The following HIPK3 variants were observed in gnomAD, a reference collection of about 807,000 sequenced individuals.
The protein encoded by HIPK3 is homeodomain interacting protein kinase 3, also known as homeodomain-interacting protein kinase 3.
Under a neutral mutation model 124.2 loss-of-function variants are expected in HIPK3, and 47 were observed. The ratio of observed to expected loss-of-function variants is 0.38; its 90% CI spans 0.30 to 0.48. The LOEUF is 0.48. Ranked by LOEUF, HIPK3 falls within the 20% of genes least tolerant of loss-of-function variation. HIPK3 has a pLI of 0.98. For synonymous variants in HIPK3, 482 were observed against 515.2 expected, an observed-to-expected ratio of 0.94 and a Z score of 0.87; for missense variants, 1,286 against 1,454.3, an observed-to-expected ratio of 0.88 and a Z score of 1.88.
intron 2 of HIPK3, among the ~76,000 whole-genome samples, chr11:33,307,755 G>GGT (rs150805766): frequency 0.085 from 12,429 of 145,464 alleles, 541 homozygotes; most frequent in South Asian, 0.12. Flanking sequence ...TATTCTTGTT[G>GGT]GTGTGTGTGT....
chr11:33,297,091 ATT>A (rs34751907), intron 2 of HIPK3, among the ~76,000 whole-genome samples: 6 of 136,472 alleles, frequency 4.4e-5, no homozygotes, highest in African/African-American at 5.5e-5. Flanking sequence ...TATGGAAAAG[ATT>A]TTTTTTTTTT....
Position 33,286,883 on chromosome 11 carries a change from A to G in HIPK3, c.469A>G (p.Asn157Asp). The change falls in exon 2 of 17, where the codon AAC (asparagine) becomes GAC (aspartate). Residue 157 changes from asparagine to aspartate, a missense_variant. Coordinates refer to ENST00000303296, the MANE Select transcript of HIPK3 (RefSeq NM_005734.5). ...LSILPAMLQT[N>D]MGNPVTVVTA... ...CATACTTCCTGCAATGTTGCAAACC[A>G]ACATGGGAAATCCAGTGACAGTTGT... is the stretch of plus-strand genomic sequence containing the variant. 1 of 1,614,234 alleles carries G rather than the reference A, an allele frequency of 6.2e-7. No individual in the cohort carries two copies. Among genetic ancestry groups the G allele is most frequent in the Non-Finnish European group, 8.5e-7 (1 of 1,180,034 alleles).
chr11:33,349,083 T>G, intron 13 of HIPK3, 64 bp from the exon 14 acceptor site: 2 of 1,430,226 alleles, frequency 1.4e-6, no homozygotes, highest in South Asian at 2.5e-5. Flanking sequence ...GAATATAAAT[T>G]TTGGCTATTT....
At chr11:33,280,941 G>T (rs1851395568) in intron 1 of HIPK3, among the ~76,000 whole-genome samples, 1 of 151,946 alleles carries the variant, frequency 6.6e-6, no homozygotes, top group Admixed American at 6.6e-5. Flanking sequence ...TCAGATTTTA[G>T]TGTGACTCTA....
intron 2 of HIPK3, among the ~76,000 whole-genome samples, chr11:33,303,438 T>C (rs545338809): frequency 6.6e-6 from 1 of 152,332 alleles, no homozygotes; most frequent in Admixed American, 6.5e-5. Flanking sequence ...TAGTTACTCG[T>C]AGGTTAAAAG....
At chr11:33,321,022 C>T (rs11602207) in intron 2 of HIPK3, among the ~76,000 whole-genome samples, 51,845 of 151,876 alleles carry the variant, frequency 0.34, 9,569 homozygotes, top group Middle Eastern at 0.47. Flanking sequence ...GATAGATTCC[C>T]AAAGACTGAG....
intron 8 of HIPK3, among the ~76,000 whole-genome samples, chr11:33,346,590 A>G (rs186695099): frequency 6.6e-6 from 1 of 152,226 alleles, no homozygotes; most frequent in Non-Finnish European, 1.5e-5. Context: ...GTTTGTATGA[A>G]AAGAAGAACC....
intron 2 of HIPK3, among the ~76,000 whole-genome samples, chr11:33,293,757 T>C (rs766276170): frequency 4.6e-5 from 7 of 152,180 alleles, no homozygotes; most frequent in East Asian, 1.9e-4. Flanking sequence ...CAAAATACTT[T>C]AGTGCCTCTA....
Position 33,352,126 on chromosome 11 carries a change from A to T in HIPK3, c.3044-12A>T. ...AAAAGCATAAACTCTTTAATATTTT[A>T]TTCGTCGCCAGATTCTATATGCCAG... On this transcript the variant is annotated splice_polypyrimidine_tract_variant and intron_variant, in intron 15 of 16. Coordinates refer to ENST00000303296, the MANE Select transcript of HIPK3 (RefSeq NM_005734.5). The T allele has an allele frequency of 1.2e-6, 2 of 1,610,282 alleles. No individual in the cohort carries two copies. The highest frequency in any genetic ancestry group is 1.7e-6 in the Non-Finnish European group (2 of 1,177,162).
intron 1 of HIPK3, chr11:33,258,353 C>T (rs1032268657): frequency 6.1e-6 from 6 of 985,608 alleles, no homozygotes; most frequent in African/African-American, 3.5e-5. Context: ...AACAAACAAA[C>T]GCGCAGGCAC....
chr11:33,316,808 C>CAGGA (rs1367661680), intron 2 of HIPK3, among the ~76,000 whole-genome samples: 1 of 152,046 alleles, frequency 6.6e-6, no homozygotes, highest in Non-Finnish European at 1.5e-5. Flanking sequence ...GGGCTATAGA[C>CAGGA]AAGACCCCAT....
At position 33,349,162 on chromosome 11, in the gene HIPK3, A is replaced by G; in HGVS notation, c.2682A>G (p.Leu894=). 3 of 1,613,976 alleles carry G rather than the reference A, an allele frequency of 1.9e-6. No homozygotes were observed. The highest frequency in any genetic ancestry group is 1.7e-6 in the Non-Finnish European group (2 of 1,179,882). Residue 894 remains leucine (L), a synonymous_variant, in exon 14 of 17, where the codon CTA becomes CTG. Transcript: ENST00000303296. ...CTTCCACTAGATGTAAAGGTAGTCTAGATTGTGAAGCTTGCCAGAGCACTT... is the reference window on the plus strand; with the variant it reads ...CTTCCACTAGATGTAAAGGTAGTCTGGATTGTGAAGCTTGCCAGAGCACTT... The part of the protein sequence containing the change: ...RHSLRECKGS[L]DCEACQSTLN...
intron 1 of HIPK3, among the ~76,000 whole-genome samples, chr11:33,268,316 C>T (rs183525353): frequency 1.6e-4 from 25 of 151,910 alleles, no homozygotes; most frequent in African/African-American, 5.6e-4. Context: ...AATTCTGGGC[C>T]GGGTGTAGTG....
chr11:33,271,147 A>T (rs972320691), intron 1 of HIPK3, among the ~76,000 whole-genome samples: 47 of 152,352 alleles, frequency 3.1e-4, no homozygotes, highest in Admixed American at 2.9e-3. Context: ...GGTTCTATGA[A>T]TAAATAGCAT....
intron 2 of HIPK3, among the ~76,000 whole-genome samples, chr11:33,325,998 A>C (rs141488827): frequency 2.6e-5 from 4 of 152,242 alleles, no homozygotes; most frequent in Admixed American, 2.0e-4. Flanking sequence ...TCTTGTTTTC[A>C]ACAAATGCCT....
intron 1 of HIPK3, among the ~76,000 whole-genome samples, chr11:33,260,488 A>T (rs1850793198): frequency 6.6e-6 from 1 of 152,208 alleles, no homozygotes. Context: ...GTTATTTTTT[A>T]TTTGAATGCT....
At chr11:33,301,626 A>T (rs1490185095) in intron 2 of HIPK3, among the ~76,000 whole-genome samples, 1 of 151,684 alleles carries the variant, frequency 6.6e-6, no homozygotes, top group Non-Finnish European at 1.5e-5. Context: ...CTATAAAAAA[A>T]AAAAAAAAAA....
chr11:33,348,830 A>C lies in HIPK3; in HGVS notation c.2666+12A>C, dbSNP rs1294247566. 6.2e-7 allele frequency: 1 copy of C among 1,607,834 alleles called. No individual in the cohort carries two copies. Among genetic ancestry groups the C allele is most frequent in the South Asian group, 1.1e-5 (1 of 90,596 alleles). ...CATTCACTCAGAGAGTAAGTGCCAA[A>C]CGCTGCATCCTCAAAGGATATAGAT... On this transcript the variant is annotated intron_variant, in intron 13 of 16. Transcript: ENST00000303296.
rs777124691 is a variant in HIPK3 at position 33,348,275 on chromosome 11, G to A, written c.2369+47G>A. On this transcript the variant is annotated intron_variant, in intron 12 of 16. Coordinates refer to ENST00000303296, the MANE Select transcript of HIPK3 (RefSeq NM_005734.5). ...TTTTGATTTATTATCTACCTGTAAT[G>A]TAGCAATTGTGGACATTCAGATAGC... 7 of 1,531,320 alleles carry A rather than the reference G, an allele frequency of 4.6e-6. No homozygotes were observed. The East Asian group carries it at 1.1e-4, about 25-fold the overall frequency. 94.9% of individuals were successfully genotyped at this position (1,531,320 alleles called of 1,614,324 possible). A position where few individuals can be genotyped will look rare whatever the true frequency, so the allele number is the denominator to read the frequency against.
Sources: allele counts gnomAD v4.1 joint callset (sites outside exome capture counted in the v4.1 genomes callset), GRCh38; gene constraint gnomAD v4.1.1; transcripts MANE v1.5; gene names NCBI Gene and HGNC (gene_info 2026-07-23, HGNC 2026-07-21).